The following FIGN variants were observed in gnomAD, a reference collection of about 807,000 sequenced individuals.
FIGN encodes fidgetin.
A neutral mutation model predicts 51.3 loss-of-function variants in FIGN; 11 were observed. The observed-to-expected ratio is 0.21, with a 90% confidence interval of 0.13 to 0.35. The LOEUF (loss-of-function observed/expected upper bound fraction) is 0.35. FIGN is among the 10% of genes least tolerant of loss of function. FIGN has a pLI of 1.00. For missense variants in FIGN, 857 were observed against 943.6 expected, an observed-to-expected ratio of 0.91 and a Z score of 1.20; for synonymous variants, 407 against 363.2, an observed-to-expected ratio of 1.12 and a Z score of -1.37.
At chr2:163,711,026 C>A (rs185347607) in intron 2 of FIGN, among the ~76,000 whole-genome samples, 1 of 152,276 alleles carries the variant, frequency 6.6e-6, no homozygotes, top group East Asian at 1.9e-4. Context: ...CTCACACACA[C>A]ATAGACACAC....
intron 2 of FIGN, among the ~76,000 whole-genome samples, chr2:163,669,076 C>A (rs1457319085): frequency 6.8e-6 from 1 of 146,918 alleles, no homozygotes; most frequent in African/African-American, 2.6e-5. Flanking sequence ...GATATTCATC[C>A]TGCTGTAAGT....
chr2:163,709,617 T>G (rs1559028898), intron 2 of FIGN, among the ~76,000 whole-genome samples: 1 of 152,090 alleles, frequency 6.6e-6, no homozygotes, highest in Non-Finnish European at 1.5e-5. Context: ...AAGAAGCGAT[T>G]TACTATGTGT....
chr2:163,608,804 A>G lies in FIGN; in HGVS notation c.*748T>C, dbSNP rs142242301. ...AAGTAATTTTCCTTGCTATTTTCCA[A>G]TTGTTGAGGTAAACATACATTTTAA... On this transcript the variant is annotated 3_prime_UTR_variant, in exon 3 of 3. Coordinates refer to ENST00000333129, the MANE Select transcript of FIGN (RefSeq NM_018086.4). The G allele has an allele frequency of 2.7e-4, 41 of 152,700 alleles. No individual in the cohort carries two copies. Among genetic ancestry groups the G allele is most frequent in the East Asian group, 5.8e-4 (3 of 5,180 alleles). 9.5% of individuals were successfully genotyped at this position (152,700 alleles called of 1,614,324 possible).
chr2:163,686,526 A>C (rs11896989), intron 2 of FIGN, among the ~76,000 whole-genome samples: 16,461 of 152,140 alleles, frequency 0.11, 1,743 homozygotes, highest in African/African-American at 0.28. Context: ...AACGGTAAAG[A>C]AGTGAGAAGT....
intron 2 of FIGN, among the ~76,000 whole-genome samples, chr2:163,641,513 C>A (rs1296008704): frequency 6.6e-6 from 1 of 152,226 alleles, no homozygotes; most frequent in Non-Finnish European, 1.5e-5. Flanking sequence ...AATGGCAGAG[C>A]CAGGCTTAGG....
chr2:163,672,541 T>C (rs1683894511), intron 2 of FIGN, among the ~76,000 whole-genome samples: 1 of 152,184 alleles, frequency 6.6e-6, no homozygotes, highest in African/African-American at 2.4e-5. Context: ...CAATAGGTGC[T>C]TCACAGATAT....
In FIGN at chr2:163,611,060, C is replaced by T. The variant is rs1472087160; in HGVS notation, c.772G>A (p.Val258Met). The change falls in exon 3 of 3, where the codon GTG becomes ATG. Residue 258 changes from valine (V) to methionine (M), a missense_variant. By Grantham distance (21) the Val-to-Met change is conservative (BLOSUM62 1). Coordinates refer to ENST00000333129, the MANE Select transcript of FIGN (RefSeq NM_018086.4). ...PSASYPPQTA[V>M]GSGYSPGGAP... ...CCCCCAGGGCTGTACCCAGACCCCACAGCAGTCTGAGGAGGATAGCTAGCA... is the reference window on the plus strand; with the variant it reads ...CCCCCAGGGCTGTACCCAGACCCCATAGCAGTCTGAGGAGGATAGCTAGCA... The T allele has an allele frequency of 2.5e-6, 4 of 1,614,010 alleles. No homozygotes were observed. Among genetic ancestry groups the T allele is most frequent in the Admixed American group, 3.3e-5 (2 of 60,018 alleles).
intron 2 of FIGN, among the ~76,000 whole-genome samples, chr2:163,685,001 G>A (rs1034871117): frequency 1.3e-5 from 2 of 149,336 alleles, no homozygotes; most frequent in East Asian, 2.0e-4. Context: ...TGGCCAGGCT[G>A]GTCTCGAGCT....
At chr2:163,722,300 C>T (rs1684770580) in intron 2 of FIGN, among the ~76,000 whole-genome samples, 1 of 152,198 alleles carries the variant, frequency 6.6e-6, no homozygotes. Context: ...CCAGTATCAT[C>T]ATGTTTCCAA....
rs1005151212 is a variant in FIGN, at chr2:163,607,510, A to C, written c.*2042T>G. On this transcript the variant is annotated 3_prime_UTR_variant, in exon 3 of 3. Transcript: ENST00000333129. Reference sequence around the variant, plus strand: ...CATCATAAAATTTCAGAGATAAGAAATCCCTCATGAGCTTTCTCTATGTTA... The same window carrying C: ...CATCATAAAATTTCAGAGATAAGAACTCCCTCATGAGCTTTCTCTATGTTA... 3 of 152,446 alleles carry C rather than the reference A, an allele frequency of 2.0e-5. No individual in the cohort carries two copies. The highest frequency in any genetic ancestry group is 2.9e-5 in the Non-Finnish European group (2 of 68,010). 9.4% of individuals were successfully genotyped at this position (152,446 alleles called of 1,614,324 possible).
intron 2 of FIGN, among the ~76,000 whole-genome samples, chr2:163,613,544 T>G (rs1482996448): frequency 1.3e-5 from 2 of 152,138 alleles, no homozygotes; most frequent in Non-Finnish European, 2.9e-5. Context: ...CAGAATGGCA[T>G]GTTGATTCCC....
At chr2:163,682,318 A>G (rs773290421) in intron 2 of FIGN, among the ~76,000 whole-genome samples, 5 of 152,242 alleles carry the variant, frequency 3.3e-5, no homozygotes, top group Non-Finnish European at 7.3e-5. Context: ...ATGATATTTG[A>G]TTCTAGTGAG....
intron 2 of FIGN, among the ~76,000 whole-genome samples, chr2:163,680,890 T>G (rs1684052414): frequency 6.6e-6 from 1 of 152,230 alleles, no homozygotes; most frequent in Non-Finnish European, 1.5e-5. Flanking sequence ...TCTGGTATCC[T>G]TATCAGCCTG....
chr2:163,731,798 T>C (rs1684933930), intron 2 of FIGN, among the ~76,000 whole-genome samples: 1 of 151,860 alleles, frequency 6.6e-6, no homozygotes, highest in Non-Finnish European at 1.5e-5. Flanking sequence ...GCAAATCAAC[T>C]CACACATACA....
chr2:163,614,149 AG>A (rs1420742690), intron 2 of FIGN, among the ~76,000 whole-genome samples: 1 of 152,178 alleles, frequency 6.6e-6, no homozygotes, highest in Non-Finnish European at 1.5e-5. Context: ...AGTTCCAGGG[AG>A]AACTAAAGTG....
chr2:163,680,562 T>C (rs912242538), intron 2 of FIGN, among the ~76,000 whole-genome samples: 1 of 152,310 alleles, frequency 6.6e-6, no homozygotes, highest in East Asian at 1.9e-4. Flanking sequence ...AGCCTGTGAA[T>C]TGATTTGCTC....
chr2:163,734,557 C>CAAAAAAAAAAAA (rs34286375), intron 2 of FIGN, among the ~76,000 whole-genome samples: 1 of 102,866 alleles, frequency 9.7e-6, no homozygotes, highest in African/African-American at 3.7e-5. Context: ...CTCCCTCCTT[C>CAAAAAAAAAAAA]AAAAAAAAAA....
chr2:163,658,562 C>T (rs1683600818), intron 2 of FIGN, among the ~76,000 whole-genome samples: 1 of 152,108 alleles, frequency 6.6e-6, no homozygotes, highest in South Asian at 2.1e-4. Flanking sequence ...GCTGCTTCCA[C>T]TCATGGTGGG....
At chr2:163,727,780 T>G (rs955110937) in intron 2 of FIGN, among the ~76,000 whole-genome samples, 1 of 152,206 alleles carries the variant, frequency 6.6e-6, no homozygotes, top group African/African-American at 2.4e-5. Context: ...AGATCCATAC[T>G]TGCTGGACAT....
Sources: allele counts gnomAD v4.1 joint callset (sites outside exome capture counted in the v4.1 genomes callset), GRCh38; gene constraint gnomAD v4.1.1; transcripts MANE v1.5; gene names NCBI Gene and HGNC (gene_info 2026-07-23, HGNC 2026-07-21).